The following RPL31 variants were observed in gnomAD, a reference collection of about 807,000 sequenced individuals.
RPL31 encodes the protein ribosomal protein L31, also known as large ribosomal subunit protein eL31.
For missense variants in RPL31, 95 were observed against 164.0 expected (o/e 0.58, Z 2.30); for synonymous variants, 51 against 55.0 (o/e 0.93, Z 0.32).
At chr2:101,016,176 T>C (rs1679619587) in intron 4 of RPL31, among the ~76,000 whole-genome samples, 1 of 152,236 alleles carries the variant, frequency 6.6e-6, no homozygotes, top group Admixed American at 6.5e-5. Flanking sequence ...CCTACTCATC[T>C]GAGAAAGGGC....
intron 4 of RPL31, among the ~76,000 whole-genome samples, chr2:101,014,865 C>G (rs1051335556): frequency 9.2e-5 from 14 of 152,200 alleles, no homozygotes; most frequent in Non-Finnish European, 1.6e-4. Flanking sequence ...AACCAGTAGT[C>G]ACATGCTCTC....
chr2:101,002,862 C>T (rs1558957224), intron 2 of RPL31, 54 bp downstream of exon 2: 1 of 1,287,638 alleles, frequency 7.8e-7, no homozygotes, highest in Non-Finnish European at 1.1e-6. Flanking sequence ...TGGTTGTTAC[C>T]GAGAGATGTG....
downstream of RPL31, among the ~76,000 whole-genome samples, chr2:101,009,247 A>G (rs1350368233): frequency 2.0e-5 from 3 of 152,076 alleles, no homozygotes; most frequent in African/African-American, 7.2e-5. Flanking sequence ...TATTAAAAAT[A>G]CAAAAAAAAT....
chr2:101,012,687 T>C (rs1236202847), intron 4 of RPL31, among the ~76,000 whole-genome samples: 2 of 151,450 alleles, frequency 1.3e-5, no homozygotes, highest in Non-Finnish European at 2.9e-5. Context: ...GTGCGTGAAA[T>C]ATATCTCAAT....
At chr2:101,005,932 TCAG>T (rs754841919) in intron 3 of RPL31, 24 bp from the exon 4 acceptor site, 8 of 1,596,962 alleles carry the variant, frequency 5.0e-6, no homozygotes, top group East Asian at 2.2e-5. Context: ...GGCATTGACT[TCAG>T]CAACACAATT....
chr2:101,008,257 A>T, downstream of RPL31: 1 of 1,540,612 alleles, frequency 6.5e-7, no homozygotes, highest in Non-Finnish European at 8.7e-7. Flanking sequence ...AGTTTTACAG[A>T]ACTGGATAAA....
chr2:101,011,490 A>G, downstream of RPL31: 2 of 1,614,026 alleles, frequency 1.2e-6, no homozygotes, highest in Non-Finnish European at 1.7e-6. Context: ...GATGTTGACA[A>G]CAGAGGATTC....
chr2:101,006,765 C>T lies in RPL31; in HGVS notation c.*384C>T, dbSNP rs1057588. 16,658 of 175,008 alleles carry T rather than the reference C, an allele frequency of 0.095. 1,049 individuals are homozygous for T. The highest frequency in any genetic ancestry group is 0.13 in the Non-Finnish European group (11,260 of 83,930). The allele number at this position is 175,008 out of a possible 1,614,324, so 10.8% of individuals were successfully genotyped here. ...CTATCTATCTATCTATCTGTAGCAT[C>T]TTAAAGGTAATGAAATTAATGTGGC... is the stretch of plus-strand genomic sequence containing the variant. On this transcript the variant is annotated 3_prime_UTR_variant, in exon 5 of 5. Coordinates refer to ENST00000264258, the MANE Select transcript of RPL31 (RefSeq NM_000993.5).
At chr2:101,011,122 A>G, downstream of RPL31, 1 of 1,170,704 alleles carries the variant, frequency 8.5e-7, no homozygotes, top group South Asian at 1.3e-5. Flanking sequence ...GGGGGTGAGG[A>G]ATTCCACTAA....
chr2:101,008,595 A>G (rs1323873540), downstream of RPL31, among the ~76,000 whole-genome samples: 2 of 152,104 alleles, frequency 1.3e-5, no homozygotes, highest in East Asian at 3.9e-4. Flanking sequence ...CAGGCGGATC[A>G]CCTGAGGTTG....
chr2:101,010,913 T>A, downstream of RPL31: 1 of 1,595,136 alleles, frequency 6.3e-7, no homozygotes, highest in Non-Finnish European at 8.6e-7. Context: ...TTCTCTGCAC[T>A]GAAGAAAGTC....
downstream of RPL31, chr2:101,010,946 ATTCT>A: frequency 1.2e-6 from 2 of 1,612,330 alleles, no homozygotes; most frequent in Admixed American, 1.7e-5. Flanking sequence ...ATTTTGGGCA[ATTCT>A]TTCTCAGTTT....
chr2:101,011,401 G>A (rs369827862), downstream of RPL31: 188 of 1,571,024 alleles, frequency 1.2e-4, no homozygotes, highest in Admixed American at 3.7e-4. Flanking sequence ...GGTGCCTCCC[G>A]CCACTGCAGT....
At chr2:101,007,711 G>GC, downstream of RPL31, 1 of 1,104,546 alleles carries the variant, frequency 9.1e-7, no homozygotes, top group Non-Finnish European at 1.3e-6. Flanking sequence ...TTAGCCAGAT[G>GC]CCCCATTGGT....
rs933096636 is a variant in RPL31 at position 101,004,496 on chromosome 2, G to A, written c.233+213G>A. On this transcript the variant is annotated intron_variant, in intron 3 of 4. Coordinates refer to ENST00000264258, the MANE Select transcript of RPL31 (RefSeq NM_000993.5). ...AACTGAGACCCAAGGGAAGGAGCCAGCAGTGTAGGGTGGGAAAGAGCATTG... is the reference window on the plus strand; with the variant it reads ...AACTGAGACCCAAGGGAAGGAGCCAACAGTGTAGGGTGGGAAAGAGCATTG... 5.4e-6 allele frequency: 3 copies of A among 555,174 alleles called. No homozygotes were observed. The Admixed American group carries it at 1.0e-4, about 19-fold the overall frequency. The allele number at this position is 555,174 out of a possible 1,614,324, so 34.4% of individuals were successfully genotyped here.
At chr2:101,008,030 C>T, downstream of RPL31, 1 of 1,613,910 alleles carries the variant, frequency 6.2e-7, no homozygotes, top group Non-Finnish European at 8.5e-7. Context: ...TCTGGAAATG[C>T]CTGGGAGTCC....
At chr2:101,004,684 C>T (rs1678652022) in intron 3 of RPL31, 1 of 223,802 alleles carries the variant, frequency 4.5e-6, no homozygotes, top group Non-Finnish European at 8.6e-6. Context: ...GGCAGTTTTA[C>T]CTGTCCTTCC....
chr2:101,008,187 T>C, downstream of RPL31: 1 of 1,613,202 alleles, frequency 6.2e-7, no homozygotes, highest in Non-Finnish European at 8.5e-7. Context: ...GTGTGGTGAC[T>C]GTGGCGATGG....
downstream of RPL31, chr2:101,011,507 G>A (rs770720076): frequency 5.8e-5 from 94 of 1,613,794 alleles, no homozygotes; most frequent in Non-Finnish European, 7.1e-5. Flanking sequence ...ATTCCTCAAC[G>A]GCGACTGGCT....
Sources: gnomAD v4.1 joint callset for allele counts (sites outside exome capture counted in the v4.1 genomes callset) on GRCh38, gnomAD v4.1.1 for gene constraint, MANE v1.5 for transcripts, NCBI Gene and HGNC (gene_info 2026-07-23, HGNC 2026-07-21) for gene names.